The following EPHA4 variants were observed in gnomAD, a reference collection of about 807,000 sequenced individuals.
The protein encoded by EPHA4 is EPH receptor A4, also known as ephrin type-A receptor 4.
A neutral mutation model predicts 108.3 loss-of-function variants in EPHA4; 19 were observed. The observed-to-expected ratio is 0.18, with a 90% CI of 0.12 to 0.26. The LOEUF is 0.26. EPHA4 is among the 10% of genes least tolerant of loss of function. EPHA4 has a pLI of 1.00. For missense variants in EPHA4, 917 were observed against 1,254.0 expected (o/e 0.73, Z 4.06); for synonymous variants, 449 against 455.5 (o/e 0.99, Z 0.18).
intron 5 of EPHA4, among the ~76,000 whole-genome samples, chr2:221,479,520 C>T (rs1691756523): frequency 6.6e-6 from 1 of 152,156 alleles, no homozygotes; most frequent in East Asian, 1.9e-4. Context: ...ACACCATTGC[C>T]TATAGTGGTC....
chr2:221,532,126 CTT>C (rs5838890), intron 3 of EPHA4, among the ~76,000 whole-genome samples: 179 of 142,788 alleles, frequency 1.3e-3, no homozygotes, highest in Admixed American at 1.1e-3. Context: ...TCAATTTATT[CTT>C]TTTTTTTTTT....
intron 14 of EPHA4, among the ~76,000 whole-genome samples, chr2:221,432,268 C>T (rs559915442): frequency 2.2e-4 from 33 of 152,100 alleles, no homozygotes; most frequent in Admixed American, 1.6e-3. Flanking sequence ...ATGATTTCAA[C>T]GGAAGAAAAA....
intron 14 of EPHA4, among the ~76,000 whole-genome samples, chr2:221,432,508 C>T (rs546270796): frequency 6.6e-6 from 1 of 152,276 alleles, no homozygotes; most frequent in Admixed American, 6.5e-5. Flanking sequence ...TGCTTTCTTC[C>T]CATCTGCTAT....
At chr2:221,514,479 C>T (rs1005941110) in intron 3 of EPHA4, among the ~76,000 whole-genome samples, 1 of 152,158 alleles carries the variant, frequency 6.6e-6, no homozygotes, top group African/African-American at 2.4e-5. Flanking sequence ...TTTTGGCAGC[C>T]TGAGCATTCT....
upstream of EPHA4, chr2:221,572,479 C>G (rs888320468): frequency 1.6e-5 from 5 of 318,802 alleles, no homozygotes; most frequent in African/African-American, 4.5e-5. Flanking sequence ...CCACGGGGCG[C>G]GCGGTCTCCC....
At chr2:221,423,761 GA>G (rs80333450) in intron 17 of EPHA4, among the ~76,000 whole-genome samples, 28,165 of 135,028 alleles carry the variant, frequency 0.21, 3,230 homozygotes, top group African/African-American at 0.34. Flanking sequence ...TAGACTTTAA[GA>G]AAAAAAAAAA....
intron 2 of EPHA4, among the ~76,000 whole-genome samples, chr2:221,566,905 AAGGAGAAGG>A (rs1694665589): frequency 2.3e-5 from 1 of 42,988 alleles, no homozygotes; most frequent in Non-Finnish European, 4.1e-5. Flanking sequence ...GGAGAAGGAG[AAGGAGAAGG>A]AGAAGGAGAA....
chr2:221,511,624 A>G (rs1288140610), intron 3 of EPHA4, among the ~76,000 whole-genome samples: 1 of 152,124 alleles, frequency 6.6e-6, no homozygotes, highest in Non-Finnish European at 1.5e-5. Flanking sequence ...TTCACATATC[A>G]TTCATTGCTC....
At chr2:221,540,526 C>G (rs1341626429) in intron 3 of EPHA4, among the ~76,000 whole-genome samples, 2 of 152,186 alleles carry the variant, frequency 1.3e-5, no homozygotes, top group Non-Finnish European at 2.9e-5. Flanking sequence ...GAATACACCA[C>G]AAAACCTGTA....
At position 221,430,110 on chromosome 2, in the gene EPHA4, T is replaced by C. The variant is rs1021977355; in HGVS notation, c.2538A>G (p.Pro846=). 3 of 1,612,400 alleles carry C rather than the reference T, an allele frequency of 1.9e-6. No homozygotes were observed. Among genetic ancestry groups the C allele is most frequent in the East Asian group, 2.2e-5 (1 of 44,814 alleles). ...GGTGGAGCGCAATGGGGCAGTCCAT[T>C]GGAGGGGGTAACCGATAGCCTTCCT... The part of the protein sequence containing the change: ...AIEEGYRLPP[P]MDCPIALHQL... The change falls in exon 15 of 18, where the codon CCA becomes CCG. Residue 846 remains proline (P), a synonymous_variant. Transcript: ENST00000281821.
intron 3 of EPHA4, among the ~76,000 whole-genome samples, chr2:221,516,181 G>A (rs1224788185): frequency 6.6e-6 from 1 of 152,096 alleles, no homozygotes; most frequent in Non-Finnish European, 1.5e-5. Context: ...ACTGAGAAGA[G>A]GCCAGGCTCT....
intron 3 of EPHA4, among the ~76,000 whole-genome samples, chr2:221,549,309 C>A (rs1169121560): frequency 6.6e-6 from 1 of 152,178 alleles, no homozygotes; most frequent in African/African-American, 2.4e-5. Flanking sequence ...ATGAAACTTT[C>A]CAATCCTCAA....
chr2:221,529,790 C>A (rs1314739606), intron 3 of EPHA4, among the ~76,000 whole-genome samples: 1 of 152,120 alleles, frequency 6.6e-6, no homozygotes, highest in Admixed American at 6.5e-5. Flanking sequence ...AGGTGTGACA[C>A]CATGGAACTT....
At chr2:221,570,315 TCC>T (rs71050344) in intron 1 of EPHA4, among the ~76,000 whole-genome samples, 77,897 of 147,172 alleles carry the variant, frequency 0.53, 20,488 homozygotes, top group Non-Finnish European at 0.57. Flanking sequence ...CAAGTTTTTC[TCC>T]CCCCCCCCCA....
rs1292899369 is a variant in EPHA4 at position 221,429,997 on chromosome 2, T to A, written c.2651A>T (p.Asn884Ile). Residue 884 changes from asparagine to isoleucine, a missense_variant, in exon 15 of 18, where the codon AAC becomes ATC. Asn to Ile is a moderately radical substitution (Grantham distance 149). Coordinates refer to ENST00000281821, the MANE Select transcript of EPHA4 (RefSeq NM_004438.5). Reference sequence around the variant, plus strand: ...CCCTGTCCTCTTCAAGCTGTTGGGGTTGCGGATGAGTTTGTCCAACATGTT... The same window carrying A: ...CCCTGTCCTCTTCAAGCTGTTGGGGATGCGGATGAGTTTGTCCAACATGTT... ...IVNMLDKLIRNPNSLKRTGTE... is the reference protein window; with the variant it reads ...IVNMLDKLIRIPNSLKRTGTE... 3 of 1,613,750 alleles carry A rather than the reference T, an allele frequency of 1.9e-6. No individual in the cohort carries two copies. The South Asian group carries it at 3.3e-5, about 18-fold the overall frequency.
intron 4 of EPHA4, among the ~76,000 whole-genome samples, chr2:221,483,535 T>TGTGTGTGTGTGTGTGTGTGTGA (rs574575643): frequency 6.7e-6 from 1 of 150,194 alleles, no homozygotes; most frequent in Non-Finnish European, 1.5e-5. Context: ...TGTGTGTGTG[T>TGTGTGTGTGTGTGTGTGTGTGA]GATGGAGTCT....
intron 3 of EPHA4, among the ~76,000 whole-genome samples, chr2:221,551,035 T>G (rs984772669): frequency 1.1e-4 from 16 of 152,122 alleles, no homozygotes; most frequent in African/African-American, 3.9e-4. Flanking sequence ...AAATTGGTCA[T>G]AAGGATGTTC....
At position 221,547,078 on chromosome 2, in the gene EPHA4, G is replaced by A. The variant is rs542806005; in HGVS notation, c.823+16653C>T. 3.9e-5 allele frequency among the ~76,000 whole-genome samples: 6 copies of A among 152,344 alleles called. No individual in the cohort carries two copies. The South Asian group carries it at 1.2e-3, about 32-fold the overall frequency. On this transcript the variant is annotated intron_variant, in intron 3 of 17. Coordinates refer to ENST00000281821, the MANE Select transcript of EPHA4 (RefSeq NM_004438.5). ...AACAGGGGAAGGTGAGAAAGTACTTGTGGATGCTACAGGAAGTGACAAGTA... is the reference window on the plus strand; with the variant it reads ...AACAGGGGAAGGTGAGAAAGTACTTATGGATGCTACAGGAAGTGACAAGTA...
intron 8 of EPHA4, 137 bp downstream of exon 8, chr2:221,455,410 C>T (rs921547124): frequency 1.5e-5 from 10 of 677,254 alleles, no homozygotes; most frequent in Non-Finnish European, 2.3e-5. Flanking sequence ...AAGATCAAAG[C>T]AACAAGGAGG....
Sources: allele counts gnomAD v4.1 joint callset (sites outside exome capture counted in the v4.1 genomes callset), GRCh38; gene constraint gnomAD v4.1.1; transcripts MANE v1.5; gene names NCBI Gene and HGNC (gene_info 2026-07-23, HGNC 2026-07-21).